SH3RF3: variants seen among roughly 807,000 people sequenced by gnomAD.
SH3RF3 encodes the protein SH3 domain containing ring finger 3.
A neutral mutation model predicts 66.3 loss-of-function variants in SH3RF3; 29 were observed. The observed-to-expected ratio is 0.44, with a 90% CI of 0.33 to 0.60. SH3RF3 has a LOEUF of 0.60. Among genes scored for constraint, SH3RF3 ranks in the 20% least tolerant of loss-of-function variants. SH3RF3 has a pLI of 0.04. For synonymous variants in SH3RF3, 583 were observed against 532.0 expected, an observed-to-expected ratio of 1.10 and a Z score of -1.32; for missense variants, 1,194 against 1,190.9, an observed-to-expected ratio of 1.00 and a Z score of -0.04.
intron 8 of SH3RF3, among the ~76,000 whole-genome samples, chr2:109,473,376 C>T (rs555708788): frequency 5.3e-5 from 8 of 152,202 alleles, no homozygotes; most frequent in Admixed American, 2.0e-4. Context: ...CAGAATAGGG[C>T]GTGCTCTGAG....
intron 1 of SH3RF3, among the ~76,000 whole-genome samples, chr2:109,317,495 C>T (rs17035435): frequency 0.31 from 47,417 of 151,926 alleles, 9,172 homozygotes; most frequent in African/African-American, 0.55. Context: ...AGGCATAGCT[C>T]TGGCAGCAGC....
intron 8 of SH3RF3, among the ~76,000 whole-genome samples, chr2:109,462,819 T>TA (rs1246717693): frequency 6.6e-6 from 1 of 152,170 alleles, no homozygotes; most frequent in Non-Finnish European, 1.5e-5. Flanking sequence ...GGACATGAGA[T>TA]AAAACTCCAC....
intron 8 of SH3RF3, among the ~76,000 whole-genome samples, chr2:109,483,976 C>T (rs1000098089): frequency 2.6e-5 from 4 of 152,134 alleles, no homozygotes; most frequent in African/African-American, 9.7e-5. Flanking sequence ...ACCTCTATCT[C>T]AGCTCCTTGG....
chr2:109,449,026 G>C (rs1357831012), intron 7 of SH3RF3, 144 bp from the exon 8 acceptor site: 6 of 930,502 alleles, frequency 6.4e-6, no homozygotes, highest in African/African-American at 3.4e-5. Context: ...CATCTGTGAA[G>C]AGGCCAGGTC....
chr2:109,300,433 G>C (rs1329438579), intron 1 of SH3RF3, among the ~76,000 whole-genome samples: 1 of 152,182 alleles, frequency 6.6e-6, no homozygotes, highest in Non-Finnish European at 1.5e-5. Flanking sequence ...ACCCACCTCA[G>C]TGTCCCAAAG....
At chr2:109,304,867 A>G (rs1220900996) in intron 1 of SH3RF3, among the ~76,000 whole-genome samples, 5 of 152,184 alleles carry the variant, frequency 3.3e-5, no homozygotes. Flanking sequence ...TCAGAGAGCC[A>G]CCTTAGAAGA....
chr2:109,134,667 T>A (rs1292420682), intron 1 of SH3RF3, among the ~76,000 whole-genome samples: 1 of 152,124 alleles, frequency 6.6e-6, no homozygotes, highest in African/African-American at 2.4e-5. Context: ...ACACAGTTAA[T>A]GAGGGTGTTT....
chr2:109,316,179 T>C (rs866347528), intron 1 of SH3RF3, among the ~76,000 whole-genome samples: 1 of 152,156 alleles, frequency 6.6e-6, no homozygotes, highest in East Asian at 1.9e-4. Context: ...TGCTGAACTT[T>C]TGGGCCTGGG....
chr2:109,402,615 C>T (rs1391997162), intron 4 of SH3RF3, among the ~76,000 whole-genome samples: 1 of 152,208 alleles, frequency 6.6e-6, no homozygotes, highest in Non-Finnish European at 1.5e-5. Context: ...CTCACAGTCC[C>T]CTCGGGACCC....
At chr2:109,358,739 C>T (rs942482401) in intron 2 of SH3RF3, among the ~76,000 whole-genome samples, 2 of 152,214 alleles carry the variant, frequency 1.3e-5, no homozygotes, top group African/African-American at 2.4e-5. Flanking sequence ...AGCGTGTCTT[C>T]TCATTACCTT....
At chr2:109,341,497 C>T (rs185214204) in intron 1 of SH3RF3, among the ~76,000 whole-genome samples, 8 of 152,288 alleles carry the variant, frequency 5.3e-5, no homozygotes, top group East Asian at 3.9e-4. Context: ...AAAATGCTTA[C>T]GAGCTAAAGA....
chr2:109,446,252 G>A (rs547602983), intron 7 of SH3RF3, among the ~76,000 whole-genome samples: 6 of 152,208 alleles, frequency 3.9e-5, no homozygotes, highest in Admixed American at 6.5e-5. Flanking sequence ...CTGTGAAATC[G>A]GAAGTGACAT....
At chr2:109,351,114 C>T (rs1207052319) in intron 2 of SH3RF3, among the ~76,000 whole-genome samples, 1 of 152,194 alleles carries the variant, frequency 6.6e-6, no homozygotes, top group Non-Finnish European at 1.5e-5. Context: ...TATTTTATTA[C>T]TTCTTAGTAG....
chr2:109,356,662 C>A (rs905479869), intron 2 of SH3RF3, among the ~76,000 whole-genome samples: 1 of 152,164 alleles, frequency 6.6e-6, no homozygotes, highest in Non-Finnish European at 1.5e-5. Flanking sequence ...GAGGAGCAAC[C>A]TGACCCTGCT....
chr2:109,300,324 C>T (rs779118952), intron 1 of SH3RF3, among the ~76,000 whole-genome samples: 5 of 152,118 alleles, frequency 3.3e-5, no homozygotes, highest in South Asian at 2.1e-4. Flanking sequence ...GGACTATAGT[C>T]GCACGCCACC....
At chr2:109,252,680 C>T (rs1255572304) in intron 1 of SH3RF3, among the ~76,000 whole-genome samples, 1 of 152,220 alleles carries the variant, frequency 6.6e-6, no homozygotes, top group Non-Finnish European at 1.5e-5. Flanking sequence ...CCTCATAGCT[C>T]AGCCTAGCCT....
intron 8 of SH3RF3, among the ~76,000 whole-genome samples, chr2:109,449,902 A>C (rs1285167150): frequency 6.6e-6 from 1 of 152,208 alleles, no homozygotes; most frequent in African/African-American, 2.4e-5. Context: ...CACTCCCTTC[A>C]ATATGTCATC....
Position 109,137,073 on chromosome 2 carries a change from A to C in SH3RF3, c.573+6960A>C, listed in dbSNP as rs574377156. Among the ~76,000 whole-genome samples the C allele has an allele frequency of 7.2e-5, 11 of 152,328 alleles. No individual in the cohort carries two copies. The South Asian group carries it at 2.3e-3, about 32-fold the overall frequency. Reference sequence around the variant, plus strand: ...ATTGCATTGGTCTCTATTTATAATGAAATGTAATTTTTTTTCCATTTAGTT... The same window carrying C: ...ATTGCATTGGTCTCTATTTATAATGCAATGTAATTTTTTTTCCATTTAGTT... On this transcript the variant is annotated intron_variant, in intron 1 of 9. Transcript: ENST00000309415.
chr2:109,459,447 C>G (rs571160145), intron 8 of SH3RF3, among the ~76,000 whole-genome samples: 1 of 152,282 alleles, frequency 6.6e-6, no homozygotes, highest in Admixed American at 6.5e-5. Flanking sequence ...CCTGAAGGGA[C>G]TGGGCCATTT....
Sources: gnomAD v4.1 joint callset for allele counts (sites outside exome capture counted in the v4.1 genomes callset) on GRCh38, gnomAD v4.1.1 for gene constraint, MANE v1.5 for transcripts, NCBI Gene and HGNC (gene_info 2026-07-23, HGNC 2026-07-21) for gene names.